Variants in SPATS2 observed in about 807,000 individuals in gnomAD.
SPATS2 encodes spermatogenesis associated serine rich 2.
SPATS2 carries 38 observed loss-of-function variants against 63.7 expected under a neutral mutation model. The ratio of observed to expected loss-of-function variants is 0.60; its 90% confidence interval spans 0.46 to 0.78. The LOEUF (loss-of-function observed/expected upper bound fraction) is 0.78, where lower values mean the gene tolerates loss of function less well. Ranked by LOEUF, SPATS2 falls within the 30% of genes least tolerant of loss-of-function variation. The pLI is 0.00. For synonymous variants in SPATS2, 207 were observed against 232.9 expected (o/e 0.89, Z 1.01); for missense variants, 588 against 666.2 (o/e 0.88, Z 1.29).
intron 2 of SPATS2, among the ~76,000 whole-genome samples, chr12:49,408,790 A>T (rs1433897237): frequency 6.6e-6 from 1 of 151,946 alleles, no homozygotes; most frequent in Non-Finnish European, 1.5e-5. Context: ...TCCTGACCTC[A>T]GGTGATCCAC....
chr12:49,405,252 C>G (rs1944674376), intron 2 of SPATS2, among the ~76,000 whole-genome samples: 1 of 151,974 alleles, frequency 6.6e-6, no homozygotes, highest in African/African-American at 2.4e-5. Context: ...TAATAATTTC[C>G]AGAGATGTTG....
chr12:49,465,398 G>A (rs974772417), intron 3 of SPATS2, among the ~76,000 whole-genome samples: 1 of 151,852 alleles, frequency 6.6e-6, no homozygotes, highest in Admixed American at 6.6e-5. Context: ...TATCTTAATA[G>A]ATGTGTAATG....
chr12:49,431,896 G>A lies in SPATS2; in HGVS notation c.-243-28874G>A, dbSNP rs765551147. On this transcript the variant is annotated intron_variant, in intron 2 of 13. Coordinates refer to ENST00000552918, the MANE Select transcript of SPATS2 (RefSeq NM_023071.4). Reference sequence around the variant, plus strand: ...AAAATACAAGAATTAGCTAGGTGTGGTAGTGTGCACCTGTAGTCCCAGCTA... The same window carrying A: ...AAAATACAAGAATTAGCTAGGTGTGATAGTGTGCACCTGTAGTCCCAGCTA... Among the ~76,000 whole-genome samples the A allele has an allele frequency of 4.6e-5, 7 of 152,232 alleles. No individual in the cohort carries two copies. In the South Asian group the frequency reaches 6.2e-4, roughly 14 times the overall value.
At chr12:49,522,314 G>A (rs1555194200) in intron 11 of SPATS2, among the ~76,000 whole-genome samples, 1 of 151,330 alleles carries the variant, frequency 6.6e-6, no homozygotes, top group Non-Finnish European at 1.5e-5. Context: ...ATAAAGAGAT[G>A]AAGTAGGTTT....
chr12:49,394,524 C>A (rs376094934), intron 2 of SPATS2, among the ~76,000 whole-genome samples: 1 of 151,838 alleles, frequency 6.6e-6, no homozygotes, highest in Non-Finnish European at 1.5e-5. Context: ...TCTTTAATAT[C>A]TCTCCATGAT....
At position 49,496,817 on chromosome 12, in the gene SPATS2, C is replaced by T. The variant is rs747060253; in HGVS notation, c.527-16C>T. The T allele has an allele frequency of 3.1e-6, 5 of 1,613,072 alleles. No homozygotes were observed. The South Asian group carries it at 3.3e-5, about 11-fold the overall frequency. ...CCTAAATTGTGCTCTAAAGTACAGT[C>T]CTCTTTCTTGGACAGGATCCATGCT... is the stretch of plus-strand genomic sequence containing the variant. On this transcript the variant is annotated splice_polypyrimidine_tract_variant and intron_variant, in intron 7 of 13. Coordinates refer to ENST00000552918, the MANE Select transcript of SPATS2 (RefSeq NM_023071.4).
At chr12:49,501,620 T>C (rs1388863415) in intron 9 of SPATS2, among the ~76,000 whole-genome samples, 1 of 152,148 alleles carries the variant, frequency 6.6e-6, no homozygotes, top group Non-Finnish European at 1.5e-5. Flanking sequence ...TTTTTTGTTT[T>C]GTTTTGTTTG....
rs1369922641 is a variant in SPATS2 at position 49,494,827 on chromosome 12, G to A, written c.351G>A (p.Glu117=). ...PDSSKSVSIQ[E]EQSAPSSEKG... ...CCAGTAAATCAGTTTCCATTCAAGA[G>A]GAACAGTCTGCGCCTTCCTCAGAGA... Residue 117 remains glutamate (E), a synonymous_variant, in exon 7 of 14, where the codon GAG becomes GAA. Coordinates refer to ENST00000552918, the MANE Select transcript of SPATS2 (RefSeq NM_023071.4). The A allele has an allele frequency of 3.1e-6, 5 of 1,613,586 alleles. No homozygotes were observed. Among genetic ancestry groups the A allele is most frequent in the East Asian group, 2.2e-5 (1 of 44,846 alleles).
Position 49,496,971 on chromosome 12 carries a change from G to T in SPATS2, c.665G>T (p.Gly222Val). ...PTTETQFSNM[G>V]MEDVPLATSK... Reference sequence around the variant, plus strand: ...ACAGAAACTCAGTTTTCAAATATGGGGATGGAAGATGTTCCCCTCGCCACC... The same window carrying T: ...ACAGAAACTCAGTTTTCAAATATGGTGATGGAAGATGTTCCCCTCGCCACC... The change falls in exon 8 of 14, where the codon GGG (glycine) becomes GTG (valine). Residue 222 changes from glycine (G) to valine (V), a missense_variant. Coordinates refer to ENST00000552918, the MANE Select transcript of SPATS2 (RefSeq NM_023071.4). 1 of 1,595,664 alleles carries T rather than the reference G, an allele frequency of 6.3e-7. No homozygotes were observed. The highest frequency in any genetic ancestry group is 8.5e-7 in the Non-Finnish European group (1 of 1,171,810).
At position 49,467,628 on chromosome 12, in the gene SPATS2, T is replaced by C. The variant is rs538777424; in HGVS notation, c.25+6591T>C. ...GATATTTTTCTCCTGTATCTGACTA[T>C]ATATCAGAATCATCTTGAACATTTA... is the stretch of plus-strand genomic sequence containing the variant. On this transcript the variant is annotated intron_variant, in intron 3 of 13. Transcript: ENST00000552918. Among the ~76,000 whole-genome samples, 20 of 152,380 alleles carry C rather than the reference T, an allele frequency of 1.3e-4. 1 individual carries two copies. Among genetic ancestry groups the C allele is most frequent in the Non-Finnish European group, 2.6e-4 (18 of 68,034 alleles).
chr12:49,489,361 T>C, intron 4 of SPATS2, 104 bp from the exon 5 acceptor site: 2 of 763,704 alleles, frequency 2.6e-6, no homozygotes, highest in South Asian at 2.0e-5. Flanking sequence ...GTGATACATA[T>C]TGTTAAAAAT....
intron 3 of SPATS2, among the ~76,000 whole-genome samples, chr12:49,472,828 T>C (rs1243656585): frequency 6.7e-6 from 1 of 149,714 alleles, no homozygotes; most frequent in Non-Finnish European, 1.5e-5. Flanking sequence ...TCCCTTGAGC[T>C]CTGGAGTTCG....
intron 4 of SPATS2, among the ~76,000 whole-genome samples, chr12:49,485,560 C>T (rs2137842057): frequency 6.6e-6 from 1 of 151,924 alleles, no homozygotes; most frequent in East Asian, 1.9e-4. Context: ...CAGGGTTTCT[C>T]CCTGTTGGCC....
chr12:49,473,281 T>C (rs1392302534), intron 3 of SPATS2, among the ~76,000 whole-genome samples: 1 of 152,014 alleles, frequency 6.6e-6, no homozygotes, highest in Non-Finnish European at 1.5e-5. Flanking sequence ...CTGGACGTGG[T>C]AACATATGCC....
intron 2 of SPATS2, among the ~76,000 whole-genome samples, chr12:49,398,438 G>T (rs1013963524): frequency 1.7e-4 from 26 of 152,082 alleles, no homozygotes; most frequent in African/African-American, 6.0e-4. Flanking sequence ...CCTAATAGAA[G>T]GAAGGTGGAA....
intron 3 of SPATS2, among the ~76,000 whole-genome samples, chr12:49,461,608 C>T (rs1280417212): frequency 6.6e-6 from 1 of 152,152 alleles, no homozygotes; most frequent in Non-Finnish European, 1.5e-5. Context: ...AACTATTGTA[C>T]ATAATTGGAA....
At chr12:49,408,928 T>C (rs1944746676) in intron 2 of SPATS2, among the ~76,000 whole-genome samples, 1 of 152,154 alleles carries the variant, frequency 6.6e-6, no homozygotes. Flanking sequence ...ACAGAAAGTG[T>C]CCTAAATAAT....
At chr12:49,513,333 T>C (rs759456360) in intron 9 of SPATS2, among the ~76,000 whole-genome samples, 5 of 152,150 alleles carry the variant, frequency 3.3e-5, no homozygotes, top group Admixed American at 6.5e-5. Context: ...ACTCCAAATT[T>C]GAAGAAAGTT....
rs77023346 is a variant in SPATS2, at chr12:49,389,269, T to C, written c.-244+17979T>C. On this transcript the variant is annotated intron_variant, in intron 2 of 13. Transcript: ENST00000552918. ...GGAAATCTCGCAAGGCTGGAGTCCT[T>C]TTGGCGCCCCTGGCGGAGGCGGTTA... Among the ~76,000 whole-genome samples, 1,384 of 152,246 alleles carry C rather than the reference T, an allele frequency of 9.1e-3. 4 individuals carry two copies. The highest frequency in any genetic ancestry group is 0.015 in the Non-Finnish European group (1,027 of 68,006).
Sources: gnomAD v4.1 joint callset for allele counts (sites outside exome capture counted in the v4.1 genomes callset) on GRCh38, gnomAD v4.1.1 for gene constraint, MANE v1.5 for transcripts, NCBI Gene and HGNC (gene_info 2026-07-23, HGNC 2026-07-21) for gene names.